ACTN1: variants seen among roughly 807,000 people sequenced by gnomAD.
ACTN1 encodes the protein alpha-actinin-1.
A neutral mutation model predicts 119.6 loss-of-function variants in ACTN1; 30 were observed. The observed-to-expected ratio is 0.25, with a 90% CI of 0.19 to 0.34. The LOEUF (loss-of-function observed/expected upper bound fraction) is 0.34. Among genes scored for constraint, ACTN1 ranks in the 10% least tolerant of loss-of-function variants. ACTN1 has a pLI of 1.00. For missense variants in ACTN1, 764 were observed against 1,223.4 expected (o/e 0.62, Z 5.60); for synonymous variants, 429 against 472.6 (o/e 0.91, Z 1.20).
intron 1 of ACTN1, among the ~76,000 whole-genome samples, chr14:68,943,642 A>T (rs955369371): frequency 6.6e-6 from 1 of 152,130 alleles, no homozygotes; most frequent in African/African-American, 2.4e-5. Context: ...AGGGAAGGAG[A>T]GGGAATCATA....
chr14:68,879,737 A>G lies in ACTN1; in HGVS notation c.2280+225T>C. The G allele has an allele frequency of 1.9e-6, 1 of 532,490 alleles. No homozygotes were observed. The highest frequency in any genetic ancestry group is 3.3e-6 in the Non-Finnish European group (1 of 303,456). 33.0% of individuals were successfully genotyped at this position (532,490 alleles called of 1,614,324 possible). ...GGTCAAAGGTCCTCTTTCTACCCAC[A>G]GTCTGAACACTCTCTCCCGGAAAGC... On this transcript the variant is annotated intron_variant, in intron 18 of 21. Coordinates refer to ENST00000394419, the MANE Select transcript of ACTN1 (RefSeq NM_001130004.2). This position sits in a 1 kb window ranked among gnomAD's most constrained non-coding sequence, Gnocchi z 4.9.
In ACTN1 at chr14:68,920,412, T is replaced by C. The variant is rs78624328; in HGVS notation, c.340+594A>G. Among the ~76,000 whole-genome samples, 1,291 of 152,202 alleles carry C rather than the reference T, an allele frequency of 8.5e-3. 12 individuals carry two copies. The highest frequency in any genetic ancestry group is 0.029 in the African/African-American group (1,210 of 41,506). ...TTTCTGCCCACTCTAAACAACCCACTCTCAATTTTTCAGAGCCACCACCAT... is the reference window on the plus strand; with the variant it reads ...TTTCTGCCCACTCTAAACAACCCACCCTCAATTTTTCAGAGCCACCACCAT... On this transcript the variant is annotated intron_variant, in intron 3 of 21. Coordinates refer to ENST00000394419, the MANE Select transcript of ACTN1 (RefSeq NM_001130004.2).
rs777737348 is a variant in ACTN1, at chr14:68,893,672, C to T, written c.838G>A (p.Glu280Lys). 11 of 1,614,004 alleles carry T rather than the reference C, an allele frequency of 6.8e-6. No individual in the cohort carries two copies. Among genetic ancestry groups the T allele is most frequent in the African/African-American group, 2.7e-5 (2 of 74,936 alleles). The change falls in exon 9 of 22, where the codon GAG (glutamate) becomes AAG (lysine). Residue 280 changes from glutamate (E) to lysine (K), a missense_variant. By Grantham distance (56) the Glu-to-Lys change is moderately conservative. This residue lies in a region of ACTN1 where 544 missense variants were observed against 912.0 expected (regional missense o/e 0.60). Coordinates refer to ENST00000394419, the MANE Select transcript of ACTN1 (RefSeq NM_001130004.2). ...QENEQLMEDY[E>K]KLASDLLEWI... ...GTACCCACATCACTGGCCAGCTTCT[C>T]GTAGTCTTCCATAAGCTGCTCGTTC... is the stretch of plus-strand genomic sequence containing the variant.
At chr14:68,918,622 G>A (rs76372336) in intron 3 of ACTN1, among the ~76,000 whole-genome samples, 47 of 151,812 alleles carry the variant, frequency 3.1e-4, no homozygotes, top group African/African-American at 9.0e-4. Flanking sequence ...TAGGCCAGGC[G>A]CGGTGGCGCA....
In ACTN1 at chr14:68,978,899, C is replaced by T. The variant is rs1025828589; in HGVS notation, c.105+53G>A. The T allele has an allele frequency of 4.5e-6, 5 of 1,113,368 alleles. No individual in the cohort carries two copies. The African/African-American group carries it at 4.8e-5, about 11-fold the overall frequency. 69.0% of individuals were successfully genotyped at this position (1,113,368 alleles called of 1,614,324 possible). ...CGAGAGCCCGGCAGGCAGAGCGGGT[C>T]GGGGCTGGGGGCTGGGGGCTGGGGG... is the stretch of plus-strand genomic sequence containing the variant. On this transcript the variant is annotated intron_variant, in intron 1 of 21. Coordinates refer to ENST00000394419, the MANE Select transcript of ACTN1 (RefSeq NM_001130004.2).
chr14:68,956,912 A>G (rs1422953472), intron 1 of ACTN1, among the ~76,000 whole-genome samples: 1 of 151,984 alleles, frequency 6.6e-6, no homozygotes, highest in Non-Finnish European at 1.5e-5. Flanking sequence ...AACCAGACAG[A>G]ACAAATCAAT....
At chr14:68,905,057 T>C (rs1420265385) in intron 6 of ACTN1, among the ~76,000 whole-genome samples, 1 of 152,210 alleles carries the variant, frequency 6.6e-6, no homozygotes, top group Non-Finnish European at 1.5e-5. Flanking sequence ...CTAGTCACCA[T>C]CCATCCTGGC....
At chr14:68,965,005 C>T (rs1362782915) in intron 1 of ACTN1, among the ~76,000 whole-genome samples, 1 of 152,340 alleles carries the variant, frequency 6.6e-6, no homozygotes, top group African/African-American at 2.4e-5. Context: ...TAGCCAGAAC[C>T]CCAGCAGCTT....
At chr14:68,947,058 A>C (rs925265047) in intron 1 of ACTN1, among the ~76,000 whole-genome samples, 46 of 152,246 alleles carry the variant, frequency 3.0e-4, no homozygotes, top group African/African-American at 1.1e-3. Flanking sequence ...CTGGCAGAGC[A>C]ATCTGAGGGA....
chr14:68,896,349 C>T (rs11158771), intron 8 of ACTN1, among the ~76,000 whole-genome samples: 21,538 of 151,934 alleles, frequency 0.14, 1,706 homozygotes, highest in African/African-American at 0.21. Context: ...TTGATGAAGG[C>T]GGCTTCATCA....
chr14:68,882,287 G>C lies in ACTN1; in HGVS notation c.1953+171C>G, dbSNP rs1594755259. On this transcript the variant is annotated intron_variant, in intron 16 of 21. Coordinates refer to ENST00000394419, the MANE Select transcript of ACTN1 (RefSeq NM_001130004.2). This position sits in a 1 kb window ranked among gnomAD's most constrained non-coding sequence, Gnocchi z 4.5. ...TCCCAAATCAGATACTGCCAGCAGG[G>C]CTTCTTCACATAGGCCCCCATAGCC... 6.6e-6 allele frequency among the ~76,000 whole-genome samples: 1 copy of C among 152,230 alleles called. No individual in the cohort carries two copies. Among genetic ancestry groups the C allele is most frequent in the East Asian group, 1.9e-4 (1 of 5,170 alleles).
intron 1 of ACTN1, among the ~76,000 whole-genome samples, chr14:68,927,267 C>T (rs1594827098): frequency 6.6e-6 from 1 of 152,318 alleles, no homozygotes; most frequent in South Asian, 2.1e-4. Context: ...TCCTGATAGC[C>T]ACCTGCTCTG....
Position 68,909,882 on chromosome 14 carries a change from A to AG in ACTN1, c.515+72dup, listed in dbSNP as rs1488623311. The AG allele has an allele frequency of 1.2e-4, 161 of 1,353,734 alleles. No individual in the cohort carries two copies. In the Middle Eastern group the frequency reaches 1.9e-3, roughly 16 times the overall value. The allele number at this position is 1,353,734 out of a possible 1,614,324, so 83.9% of individuals were successfully genotyped here. ...TTTGTTCTAAAGCTGAGACTGACCCAGCCAAGGGGGTCTGGGAGCTCCCGG... is the reference window on the plus strand; with the variant it reads ...TTTGTTCTAAAGCTGAGACTGACCCAGGCCAAGGGGGTCTGGGAGCTCCCGG... On this transcript the variant is annotated intron_variant, in intron 5 of 21. Coordinates refer to ENST00000394419, the MANE Select transcript of ACTN1 (RefSeq NM_001130004.2). This position sits in a 1 kb window ranked among gnomAD's most constrained non-coding sequence, Gnocchi z 4.1.
Position 68,961,061 on chromosome 14 carries a change from C to A in ACTN1, c.105+17891G>T, listed in dbSNP as rs538168161. 4.6e-5 allele frequency among the ~76,000 whole-genome samples: 7 copies of A among 152,152 alleles called. No individual in the cohort carries two copies. The East Asian group carries it at 1.2e-3, about 25-fold the overall frequency. Reference sequence around the variant, plus strand: ...CGCCAGCCTGGGTAACAGAGTGAGACCCTGTCTCTAAAACGAAATAACAAA... The same window carrying A: ...CGCCAGCCTGGGTAACAGAGTGAGAACCTGTCTCTAAAACGAAATAACAAA... On this transcript the variant is annotated intron_variant, in intron 1 of 21. Coordinates refer to ENST00000394419, the MANE Select transcript of ACTN1 (RefSeq NM_001130004.2).
At chr14:68,962,078 C>G (rs957423955) in intron 1 of ACTN1, among the ~76,000 whole-genome samples, 2 of 152,214 alleles carry the variant, frequency 1.3e-5, no homozygotes, top group African/African-American at 4.8e-5. Context: ...GGCTCACCCT[C>G]TGCAACACAG....
intron 1 of ACTN1, among the ~76,000 whole-genome samples, chr14:68,965,941 G>A (rs2036691650): frequency 6.6e-6 from 1 of 152,220 alleles, no homozygotes; most frequent in Non-Finnish European, 1.5e-5. Context: ...TGACTCGGAT[G>A]AGTATGGTGG....
intron 1 of ACTN1, among the ~76,000 whole-genome samples, chr14:68,967,454 C>T (rs78861269): frequency 3.3e-5 from 5 of 152,166 alleles, no homozygotes; most frequent in African/African-American, 1.2e-4. Context: ...CCTGAAAGTC[C>T]ATTACTAGGG....
chr14:68,886,826 A>C (rs1223576987), intron 11 of ACTN1: 1 of 151,648 alleles, frequency 6.6e-6, no homozygotes, highest in Non-Finnish European at 1.5e-5. Flanking sequence ...ACATTATTGG[A>C]ATTTCTGCCC....
In ACTN1 at chr14:68,878,792, G is replaced by A. The variant is rs1164244745; in HGVS notation, c.2361+197C>T. 1.9e-6 allele frequency: 3 copies of A among 1,577,236 alleles called. No individual in the cohort carries two copies. The highest frequency in any genetic ancestry group is 1.3e-5 in the African/African-American group (1 of 74,200). On this transcript the variant is annotated intron_variant, in intron 19 of 21. Coordinates refer to ENST00000394419, the MANE Select transcript of ACTN1 (RefSeq NM_001130004.2). This position sits in a 1 kb window ranked among gnomAD's most constrained non-coding sequence, Gnocchi z 4.4. ...GAGGACGGAAGACAGCGGGCACCCA[G>A]TAGGTTGCCATGAAAGACAGCAGAG...
Sources: gnomAD v4.1 joint callset for allele counts (sites outside exome capture counted in the v4.1 genomes callset) on GRCh38, gnomAD v4.1.1 for gene constraint, gnomAD v4.1.1 regional missense constraint, Gnocchi (gnomAD v3.1) non-coding constraint, MANE v1.5 for transcripts, NCBI Gene and HGNC (gene_info 2026-07-23, HGNC 2026-07-21) for gene names.